The following ZNF540 variants were observed in gnomAD, a reference collection of about 807,000 sequenced individuals.
The protein encoded by ZNF540 is zinc finger protein 540.
A neutral mutation model predicts 11.8 loss-of-function variants in ZNF540; 3 were observed. The ratio of observed to expected loss-of-function variants is 0.25; its 90% CI spans 0.12 to 0.65. The LOEUF is 0.65. Among genes scored for constraint, ZNF540 ranks in the 30% least tolerant of loss-of-function variants. The pLI is 0.83. For missense variants in ZNF540, 709 were observed against 793.1 expected (o/e 0.89, Z 1.27); for synonymous variants, 247 against 259.0 (o/e 0.95, Z 0.45).
intron 1 of ZNF540, among the ~76,000 whole-genome samples, chr19:37,582,268 C>T (rs879795914): frequency 3.1e-4 from 47 of 152,134 alleles, no homozygotes; most frequent in Non-Finnish European, 5.7e-4. Context: ...TCACCAACAC[C>T]CTTCATCCTG....
chr19:37,563,815 T>TATTCCACATACACAC (rs574346054), intron 1 of ZNF540: 5 of 78,828 alleles, frequency 6.3e-5, no homozygotes, highest in African/African-American at 1.4e-4. Flanking sequence ...ATGTGGAATA[T>TATTCCACATACACAC]ATGTATATAT....
At chr19:37,564,534 T>C in intron 1 of ZNF540, 1 of 1,403,816 alleles carries the variant, frequency 7.1e-7, no homozygotes, top group Admixed American at 2.6e-5. Context: ...CAAGATGTTC[T>C]ACATTCATTA....
chr19:37,555,925 TG>T, intron 1 of ZNF540: 2 of 700,850 alleles, frequency 2.9e-6, no homozygotes, highest in Non-Finnish European at 5.2e-6. Flanking sequence ...CCAGAGTAGG[TG>T]GCTAAAGTTA....
intron 1 of ZNF540, chr19:37,565,083 AT>A: frequency 5.6e-6 from 9 of 1,613,336 alleles, no homozygotes; most frequent in Non-Finnish European, 7.6e-6. Context: ...CATTCCTTAC[AT>A]TCAAAGGGTT....
chr19:37,607,958 C>G (rs1466605056), intron 4 of ZNF540, among the ~76,000 whole-genome samples: 1 of 152,202 alleles, frequency 6.6e-6, no homozygotes, highest in Non-Finnish European at 1.5e-5. Context: ...GCTCCACATC[C>G]TTGTCAGCCT....
intron 4 of ZNF540, among the ~76,000 whole-genome samples, chr19:37,604,241 A>C (rs1324020478): frequency 6.7e-6 from 1 of 148,950 alleles, no homozygotes; most frequent in Non-Finnish European, 1.5e-5. Context: ...TTATTCTGGA[A>C]TATACAGGAT....
chr19:37,590,219 A>C (rs1411836804), upstream of ZNF540, among the ~76,000 whole-genome samples: 2 of 151,892 alleles, frequency 1.3e-5, 1 homozygote, highest in Admixed American at 1.3e-4. Flanking sequence ...ATCCTGGCTA[A>C]CACAGTGAAA....
At position 37,565,953 on chromosome 19, in the gene ZNF540, C is replaced by T. The variant is rs748888414; in HGVS notation, c.-73+14288C>T. The T allele has an allele frequency of 2.4e-5, 39 of 1,613,640 alleles. No homozygotes were observed. Among genetic ancestry groups the T allele is most frequent in the Non-Finnish European group, 3.1e-5 (37 of 1,179,774 alleles). On this transcript the variant is annotated intron_variant, in intron 1 of 4. Coordinates refer to the ZNF540 transcript ENST00000592533. Reference sequence around the variant, plus strand: ...GAGCATTTTTCTATATTATGATTTTCCTCATGTTGAATAAGGCATGACAGG... The same window carrying T: ...GAGCATTTTTCTATATTATGATTTTTCTCATGTTGAATAAGGCATGACAGG...
At chr19:37,580,035 C>T (rs904992717) in intron 1 of ZNF540, among the ~76,000 whole-genome samples, 2 of 152,146 alleles carry the variant, frequency 1.3e-5, no homozygotes, top group Admixed American at 6.6e-5. Context: ...TAAGCTTTAT[C>T]GTATGAGGCT....
At chr19:37,576,030 G>GGCATACAT (rs1484596269) in intron 1 of ZNF540, among the ~76,000 whole-genome samples, 1 of 150,278 alleles carries the variant, frequency 6.7e-6, no homozygotes, top group Non-Finnish European at 1.5e-5. Context: ...CTACAGGTAA[G>GGCATACAT]GCATACATGC....
intron 1 of ZNF540, among the ~76,000 whole-genome samples, chr19:37,597,280 A>C (rs938434428): frequency 1.3e-5 from 2 of 151,904 alleles, no homozygotes; most frequent in Admixed American, 6.6e-5. Flanking sequence ...CTTCTGATTG[A>C]GGGAAATGGG....
intron 1 of ZNF540, among the ~76,000 whole-genome samples, chr19:37,558,830 G>GGAGAGAGAGACAGAGAGA (rs888828401): frequency 6.7e-6 from 1 of 149,370 alleles, no homozygotes; most frequent in Non-Finnish European, 1.5e-5. Context: ...ATATATATAT[G>GGAGAGAGAGACAGAGAGA]GAGAGAGAGA....
chr19:37,559,213 G>A (rs1165522825), intron 1 of ZNF540, among the ~76,000 whole-genome samples: 1 of 152,164 alleles, frequency 6.6e-6, no homozygotes. Flanking sequence ...AGAAGCTCAT[G>A]TTTTTTGACA....
At chr19:37,563,331 CAAAAAAAAA>C (rs1031635140) in intron 1 of ZNF540, 14 of 142,934 alleles carry the variant, frequency 9.8e-5, no homozygotes, top group Non-Finnish European at 1.4e-4. Flanking sequence ...GACCCTGTCT[CAAAAAAAAA>C]GAAAAAAAAG....
chr19:37,574,070 G>A (rs1016521199), intron 1 of ZNF540, among the ~76,000 whole-genome samples: 2 of 151,980 alleles, frequency 1.3e-5, no homozygotes, highest in African/African-American at 4.8e-5. Context: ...TCTATGCTCT[G>A]GATCCATTAT....
intron 1 of ZNF540, chr19:37,565,210 A>C (rs749817273): frequency 1.2e-6 from 2 of 1,613,604 alleles, no homozygotes; most frequent in Non-Finnish European, 1.7e-6. Flanking sequence ...GATGTTGAAT[A>C]AGATTAGAAT....
At chr19:37,562,809 A>G (rs2042732898) in intron 1 of ZNF540, 1 of 152,222 alleles carries the variant, frequency 6.6e-6, no homozygotes, top group Non-Finnish European at 1.5e-5. Context: ...TAATTCATGT[A>G]TTATATTTTT....
intron 1 of ZNF540, among the ~76,000 whole-genome samples, chr19:37,582,394 TC>T (rs2043502148): frequency 6.6e-6 from 1 of 152,198 alleles, no homozygotes; most frequent in Non-Finnish European, 1.5e-5. Context: ...CATTCCCTCT[TC>T]CTAGGTCACA....
At chr19:37,566,484 G>T in intron 1 of ZNF540, 1 of 599,740 alleles carries the variant, frequency 1.7e-6, no homozygotes, top group Non-Finnish European at 2.7e-6. Context: ...TAGGAAAGAA[G>T]GTAATTAGAA....
Sources: gnomAD v4.1 joint callset for allele counts (sites outside exome capture counted in the v4.1 genomes callset) on GRCh38, gnomAD v4.1.1 for gene constraint, MANE v1.5 for transcripts, NCBI Gene and HGNC (gene_info 2026-07-23, HGNC 2026-07-21) for gene names.